PRCP: variants seen among roughly 807,000 people sequenced by gnomAD.
PRCP encodes the protein lysosomal Pro-X carboxypeptidase.
Under a neutral mutation model 54.2 loss-of-function variants are expected in PRCP, and 46 were observed. The ratio of observed to expected loss-of-function variants is 0.85; its 90% CI spans 0.67 to 1.09. PRCP has a LOEUF of 1.09. PRCP is among the 50% of genes least tolerant of loss of function. The pLI is 0.00. For missense variants in PRCP, 613 were observed against 596.8 expected, an observed-to-expected ratio of 1.03 and a Z score of -0.28; for synonymous variants, 240 against 212.2, an observed-to-expected ratio of 1.13 and a Z score of -1.14.
chr11:82,834,284 C>T (rs1858464502), intron 8 of PRCP, among the ~76,000 whole-genome samples: 1 of 152,188 alleles, frequency 6.6e-6, no homozygotes, highest in Non-Finnish European at 1.5e-5. Context: ...AAGACAAACC[C>T]AAAGGCTTAT....
At chr11:82,892,338 G>A (rs185666594) in intron 1 of PRCP, among the ~76,000 whole-genome samples, 4 of 152,190 alleles carry the variant, frequency 2.6e-5, no homozygotes, top group African/African-American at 9.6e-5. Flanking sequence ...ATAATATTGA[G>A]CTCAGAGTAG....
intron 1 of PRCP, among the ~76,000 whole-genome samples, chr11:82,872,002 A>G (rs543206426): frequency 6.6e-6 from 1 of 152,358 alleles, no homozygotes; most frequent in East Asian, 1.9e-4. Context: ...TGGTCAGAAA[A>G]TAGGTGAGTA....
chr11:82,864,057 G>A (rs577775817), intron 1 of PRCP, among the ~76,000 whole-genome samples: 1 of 152,152 alleles, frequency 6.6e-6, no homozygotes, highest in Non-Finnish European at 1.5e-5. Flanking sequence ...AATGTACCAG[G>A]CATAGTTCCA....
At chr11:82,847,557 AC>A (rs1220632494) in intron 6 of PRCP, among the ~76,000 whole-genome samples, 1 of 152,150 alleles carries the variant, frequency 6.6e-6, no homozygotes, top group Non-Finnish European at 1.5e-5. Flanking sequence ...ATGGAGATGA[AC>A]TAGTTTAGAT....
chr11:82,842,488 G>C (rs1426530244), intron 6 of PRCP, among the ~76,000 whole-genome samples: 2 of 152,322 alleles, frequency 1.3e-5, no homozygotes, highest in South Asian at 2.1e-4. Context: ...ATCTAGAAGA[G>C]AGCAATCGGG....
At position 82,863,255 on chromosome 11, in the gene PRCP, T is replaced by G. The variant is rs1278067564; in HGVS notation, c.169-3138A>C. On this transcript the variant is annotated intron_variant, in intron 1 of 8. Coordinates refer to ENST00000313010, the MANE Select transcript of PRCP (RefSeq NM_005040.4). ...ACCAAAATAGACATTAATTTGTTAT[T>G]CCTTCTCTTGTTCTAGGTTTCAGAG... 2.0e-5 allele frequency among the ~76,000 whole-genome samples: 3 copies of G among 152,344 alleles called. No homozygotes were observed. In the East Asian group the frequency reaches 5.8e-4, roughly 29 times the overall value.
intron 2 of PRCP, among the ~76,000 whole-genome samples, chr11:82,856,809 G>T (rs1460880759): frequency 6.6e-6 from 1 of 152,202 alleles, no homozygotes; most frequent in Non-Finnish European, 1.5e-5. Context: ...AACACTTTGG[G>T]AGGCCGAGGC....
intron 1 of PRCP, among the ~76,000 whole-genome samples, chr11:82,863,920 A>G (rs968978810): frequency 3.3e-5 from 5 of 152,160 alleles, no homozygotes; most frequent in Non-Finnish European, 5.9e-5. Flanking sequence ...CTGAACTTGA[A>G]TCTCTTCTAA....
chr11:82,884,679 A>G, intron 1 of PRCP: 7 of 1,216,592 alleles, frequency 5.8e-6, no homozygotes, highest in East Asian at 2.4e-5. Context: ...GAAGACCACA[A>G]ATGTTCTGAT....
chr11:82,858,025 A>G (rs887584831), intron 2 of PRCP, among the ~76,000 whole-genome samples: 1 of 152,206 alleles, frequency 6.6e-6, no homozygotes, highest in African/African-American at 2.4e-5. Flanking sequence ...ATCCATTACA[A>G]TGTCCAGACC....
At chr11:82,851,668 G>C (rs1296498758) in intron 3 of PRCP, among the ~76,000 whole-genome samples, 1 of 151,856 alleles carries the variant, frequency 6.6e-6, no homozygotes, top group Non-Finnish European at 1.5e-5. Context: ...AAGCCATAAG[G>C]TTTGAAGTAC....
At chr11:82,867,664 G>A (rs1859372809) in intron 1 of PRCP, among the ~76,000 whole-genome samples, 1 of 152,172 alleles carries the variant, frequency 6.6e-6, no homozygotes, top group South Asian at 2.1e-4. Context: ...TTTAGGAAAT[G>A]ACACACCACC....
At chr11:82,847,510 T>C (rs1206221161) in intron 6 of PRCP, among the ~76,000 whole-genome samples, 2 of 152,234 alleles carry the variant, frequency 1.3e-5, no homozygotes, top group African/African-American at 2.4e-5. Context: ...AGTAAAGTAA[T>C]ATGGACAGAT....
At chr11:82,845,034 T>TAAAAAAAAAAAAAAAAAAAAAA (rs11348532) in intron 6 of PRCP, among the ~76,000 whole-genome samples, 1 of 116,772 alleles carries the variant, frequency 8.6e-6, no homozygotes, top group Admixed American at 9.0e-5. Flanking sequence ...TATGTAATAG[T>TAAAAAAAAAAAAAAAAAAAAAA]AAAAAAAAAA....
rs1356563255 is a variant in PRCP, at chr11:82,849,198, T to TAAGCCACTGC, written c.762_771dup (p.Thr258AlafsTer27). 2 of 1,614,050 alleles carry TAAGCCACTGC rather than the reference T, an allele frequency of 1.2e-6. No individual in the cohort carries two copies. ...GGGCTGCATAAGTGAAGGGCTCCAGTAAGCCACTGCAAACCACTGCCTGGG... is the reference window on the plus strand; with the variant it reads ...GGGCTGCATAAGTGAAGGGCTCCAGTAAGCCACTGCAAGCCACTGCAAACCACTGCCTGGG... On this transcript the variant is annotated frameshift_variant, in exon 6 of 9. Transcript: ENST00000313010. LOFTEE classifies it high-confidence loss of function.
Position 82,895,593 on chromosome 11 carries a change from A to G in PRCP, c.168+4642T>C, listed in dbSNP as rs1471408763. Among the ~76,000 whole-genome samples the G allele has an allele frequency of 2.0e-5, 3 of 152,220 alleles. No homozygotes were observed. In the East Asian group the frequency reaches 5.8e-4, roughly 29 times the overall value. ...CATGATCTCTAAGGCCCCTTCTAAA[A>G]ATGATTCTGTGTCACCAAACACATA... On this transcript the variant is annotated intron_variant, in intron 1 of 8. Transcript: ENST00000313010.
chr11:82,841,587 A>T (rs1370690028), intron 6 of PRCP, among the ~76,000 whole-genome samples: 2 of 152,248 alleles, frequency 1.3e-5, no homozygotes, highest in Non-Finnish European at 2.9e-5. Context: ...ATGTGAGAAA[A>T]GTCAGAAATT....
At chr11:82,861,648 G>C (rs1334916203) in intron 1 of PRCP, among the ~76,000 whole-genome samples, 2 of 152,032 alleles carry the variant, frequency 1.3e-5, no homozygotes, top group Non-Finnish European at 2.9e-5. Flanking sequence ...TAATTTCCAG[G>C]TTCCAGGAAA....
intron 6 of PRCP, chr11:82,839,626 A>G (rs1039254391): frequency 2.3e-5 from 14 of 596,434 alleles, no homozygotes; most frequent in Admixed American, 3.5e-5. Flanking sequence ...GGCTATAGAA[A>G]TAAACCGAAG....
Sources: allele counts gnomAD v4.1 joint callset (sites outside exome capture counted in the v4.1 genomes callset), GRCh38; gene constraint gnomAD v4.1.1; transcripts MANE v1.5; gene names NCBI Gene and HGNC (gene_info 2026-07-23, HGNC 2026-07-21).